Variants in REDIC1 observed in about 807,000 individuals in gnomAD.
REDIC1 encodes regulator of DNA class I crossover intermediates 1, also known as HEI10 Interacting Protein 1.
chr12:39,836,059 C>A, the REDIC1 span, among the ~76,000 whole-genome samples: 1 of 152,002 alleles, frequency 6.6e-6, no homozygotes, highest in African/African-American at 2.4e-5. Flanking sequence ...TCGTTGAGGC[C>A]CACACAGAAA....
At chr12:39,644,194 C>T in the REDIC1 span, among the ~76,000 whole-genome samples, 1 of 151,640 alleles carries the variant, frequency 6.6e-6, no homozygotes, top group Non-Finnish European at 1.5e-5. Context: ...TCTATACAGG[C>T]AGGTAGTTAC....
At chr12:39,713,134 T>C in the REDIC1 span, among the ~76,000 whole-genome samples, 2 of 149,918 alleles carry the variant, frequency 1.3e-5, no homozygotes, top group South Asian at 4.2e-4. Context: ...TGCATATACG[T>C]ATATATGTAG....
chr12:39,779,104 G>A, the REDIC1 span, among the ~76,000 whole-genome samples: 2 of 152,162 alleles, frequency 1.3e-5, no homozygotes, highest in South Asian at 2.1e-4. Flanking sequence ...GGCATAAGTT[G>A]GATCTCAGTG....
At chr12:39,673,865 A>G in the REDIC1 span, among the ~76,000 whole-genome samples, 1 of 152,096 alleles carries the variant, frequency 6.6e-6, no homozygotes, top group Non-Finnish European at 1.5e-5. Flanking sequence ...GTCTATTATC[A>G]TCCTTCACTA....
chr12:39,872,587 C>G, the REDIC1 span, among the ~76,000 whole-genome samples: 1 of 152,186 alleles, frequency 6.6e-6, no homozygotes, highest in Non-Finnish European at 1.5e-5. Flanking sequence ...TCTGTAGACT[C>G]ATTTCGTGCT....
the REDIC1 span, among the ~76,000 whole-genome samples, chr12:39,778,782 A>G: frequency 6.6e-6 from 1 of 152,182 alleles, no homozygotes; most frequent in Non-Finnish European, 1.5e-5. Context: ...GTGGCTATCA[A>G]CTTAAATACC....
chr12:39,876,201 G>GTGCAT, the REDIC1 span, among the ~76,000 whole-genome samples: 2 of 152,084 alleles, frequency 1.3e-5, no homozygotes, highest in Non-Finnish European at 2.9e-5. Context: ...GGAAATCTAC[G>GTGCAT]TGCATTGCTA....
chr12:39,710,037 T>C, the REDIC1 span, among the ~76,000 whole-genome samples: 1 of 151,838 alleles, frequency 6.6e-6, no homozygotes, highest in Non-Finnish European at 1.5e-5. Flanking sequence ...TGAGGTGATA[T>C]TTCATTTTGA....
chr12:39,902,730 C>T, the REDIC1 span, among the ~76,000 whole-genome samples: 1 of 151,646 alleles, frequency 6.6e-6, no homozygotes, highest in African/African-American at 2.4e-5. Context: ...CCTTTAGACA[C>T]TAAGATTAAA....
the REDIC1 span, among the ~76,000 whole-genome samples, chr12:39,637,189 A>G: frequency 6.6e-6 from 1 of 151,810 alleles, no homozygotes; most frequent in African/African-American, 2.4e-5. Flanking sequence ...TTATATTACT[A>G]CTATCTAGAA....
At chr12:39,881,428 C>T in the REDIC1 span, among the ~76,000 whole-genome samples, 1 of 152,018 alleles carries the variant, frequency 6.6e-6, no homozygotes, top group African/African-American at 2.4e-5. Context: ...TTCCTCACGA[C>T]TGTCTTTTTC....
chr12:39,712,017 TATGTATATATAC>T, the REDIC1 span, among the ~76,000 whole-genome samples: 444 of 39,168 alleles, frequency 0.011, 4 homozygotes, highest in Non-Finnish European at 0.019. Context: ...TACCTACCTG[TATGTATATATAC>T]ATGTATATAT....
chr12:39,778,622 A>C, the REDIC1 span, among the ~76,000 whole-genome samples: 1 of 152,216 alleles, frequency 6.6e-6, no homozygotes, highest in East Asian at 1.9e-4. Flanking sequence ...ACGTATTATT[A>C]CATTAAATTA....
the REDIC1 span, among the ~76,000 whole-genome samples, chr12:39,715,131 C>T: frequency 1.3e-5 from 2 of 151,810 alleles, no homozygotes; most frequent in Non-Finnish European, 2.9e-5. Flanking sequence ...TCATGAAATC[C>T]TTGCCTAAGC....
chr12:39,640,869 C>A, the REDIC1 span: 1 of 900,078 alleles, frequency 1.1e-6, no homozygotes, highest in South Asian at 1.8e-5. Context: ...GATTTTAACT[C>A]TAAATCTTCA....
the REDIC1 span, among the ~76,000 whole-genome samples, chr12:39,772,067 C>G: frequency 6.6e-6 from 1 of 152,080 alleles, no homozygotes; most frequent in Non-Finnish European, 1.5e-5. Flanking sequence ...CCTCTCAACT[C>G]CTTTTCACTT....
chr12:39,666,694 C>A, the REDIC1 span, among the ~76,000 whole-genome samples: 2 of 152,026 alleles, frequency 1.3e-5, no homozygotes, highest in African/African-American at 4.8e-5. Context: ...TCCATCTGGT[C>A]CTGGACTTGT....
the REDIC1 span, among the ~76,000 whole-genome samples, chr12:39,780,575 T>C: frequency 6.6e-6 from 1 of 152,194 alleles, no homozygotes; most frequent in African/African-American, 2.4e-5. Flanking sequence ...TCAGTATCCA[T>C]TTGGCCCCAA....
At chr12:39,633,287 C>T in the REDIC1 span, among the ~76,000 whole-genome samples, 1 of 151,840 alleles carries the variant, frequency 6.6e-6, no homozygotes, top group Non-Finnish European at 1.5e-5. Flanking sequence ...AAAATGAAAA[C>T]ACAAATACAC....
Sources: gnomAD v4.1 joint callset for allele counts (sites outside exome capture counted in the v4.1 genomes callset) on GRCh38, gnomAD v4.1.1 for gene constraint, MANE v1.5 for transcripts, NCBI Gene and HGNC (gene_info 2026-07-23, HGNC 2026-07-21) for gene names.